Variants in OR8J3 observed in about 807,000 individuals in gnomAD.
OR8J3 encodes the protein olfactory receptor 8J3.
For missense variants in OR8J3, 418 were observed against 379.8 expected, an observed-to-expected ratio of 1.10 and a Z score of -0.84; for synonymous variants, 170 against 142.6, an observed-to-expected ratio of 1.19 and a Z score of -1.37.
Position 56,135,224 on chromosome 11 carries a change from G to A in OR8J3, c.*1547C>T, listed in dbSNP as rs546554076. On this transcript the variant is annotated 3_prime_UTR_variant, in exon 2 of 2. Coordinates refer to ENST00000642058, the MANE Select transcript of OR8J3 (RefSeq NM_001004064.2). ...TATATTATTCCATTGTTCAATAGAAGGCCTAACTAGAAAACGTATTCAGTG... is the reference window on the plus strand; with the variant it reads ...TATATTATTCCATTGTTCAATAGAAAGCCTAACTAGAAAACGTATTCAGTG... The A allele has an allele frequency of 2.6e-5, 4 of 151,698 alleles. No individual in the cohort carries two copies. The highest frequency in any genetic ancestry group is 9.7e-5 in the African/African-American group (4 of 41,448). 9.4% of individuals were successfully genotyped at this position (151,698 alleles called of 1,614,324 possible).
Position 56,137,425 on chromosome 11 carries a change from G to A in OR8J3, c.294C>T (p.Ala98=). 1 of 1,614,184 alleles carries A rather than the reference G, an allele frequency of 6.2e-7. No homozygotes were observed. Among genetic ancestry groups the A allele is most frequent in the Non-Finnish European group, 8.5e-7 (1 of 1,180,040 alleles). ...AGAACAAGAACCCTCCCAGTTGGGTGGCACATTCATAGAATGAGGTAGTTT... is the reference window on the plus strand; with the variant it reads ...AGAACAAGAACCCTCCCAGTTGGGTAGCACATTCATAGAATGAGGTAGTTT... ...KKKTTSFYEC[A]TQLGGFLFFI... The change falls in exon 2 of 2, where the codon GCC becomes GCT. Residue 98 remains alanine (A), a synonymous_variant. Coordinates refer to ENST00000642058, the MANE Select transcript of OR8J3 (RefSeq NM_001004064.2).
chr11:56,137,403 A>T lies in OR8J3; in HGVS notation c.316T>A (p.Phe106Ile), dbSNP rs758228543. 3.1e-6 allele frequency: 5 copies of T among 1,614,036 alleles called. No individual in the cohort carries two copies. Among genetic ancestry groups the T allele is most frequent in the Non-Finnish European group, 1.7e-6 (2 of 1,180,040 alleles). The change falls in exon 2 of 2, where the codon TTC (phenylalanine) becomes ATC (isoleucine). Residue 106 changes from phenylalanine to isoleucine, a missense_variant. By Grantham distance (21) the Phe-to-Ile change is conservative. Coordinates refer to ENST00000642058, the MANE Select transcript of OR8J3 (RefSeq NM_001004064.2). Reference protein sequence around the residue: ...ECATQLGGFLFFIVSEVMMLA... With the variant: ...ECATQLGGFLIFIVSEVMMLA... ...ATCATTACCTCCGATACAATAAAGA[A>T]CAAGAACCCTCCCAGTTGGGTGGCA... is the stretch of plus-strand genomic sequence containing the variant.
rs1854339811 is a variant in OR8J3 at position 56,137,156 on chromosome 11, G to C, written c.563C>G (p.Ser188Cys). 6.2e-7 allele frequency: 1 copy of C among 1,613,584 alleles called. No individual in the cohort carries two copies. Among genetic ancestry groups the C allele is most frequent in the Non-Finnish European group, 8.5e-7 (1 of 1,179,814 alleles). ...TTCTGGTATGTAAGTATCAGAGCAA[G>C]ATAATGCTAACAGAGGTGCAATATC... The part of the protein sequence containing the change: ...YCDIAPLLAL[S>C]CSDTYIPETI... Residue 188 changes from serine (S) to cysteine (C), a missense_variant, in exon 2 of 2, where the codon TCT (serine) becomes TGT (cysteine). Physicochemically the swap from Ser to Cys is moderately radical, Grantham distance 112. Coordinates refer to ENST00000642058, the MANE Select transcript of OR8J3 (RefSeq NM_001004064.2).
rs1854330393 is a variant in OR8J3 at position 56,136,427 on chromosome 11, A to G, written c.*344T>C. The G allele has an allele frequency of 6.4e-6, 1 of 155,920 alleles. No individual in the cohort carries two copies. Among genetic ancestry groups the G allele is most frequent in the Admixed American group, 6.5e-5 (1 of 15,376 alleles). The allele number at this position is 155,920 out of a possible 1,614,324, so 9.7% of individuals were successfully genotyped here. On this transcript the variant is annotated 3_prime_UTR_variant, in exon 2 of 2. Coordinates refer to ENST00000642058, the MANE Select transcript of OR8J3 (RefSeq NM_001004064.2). Reference sequence around the variant, plus strand: ...ACTCTACCAATCATACCCAGAAAGAAAAAAAGGAGTCCACAGAATGAAAAA... The same window carrying G: ...ACTCTACCAATCATACCCAGAAAGAGAAAAAGGAGTCCACAGAATGAAAAA...
In OR8J3 at chr11:56,137,640, G is replaced by T; in HGVS notation, c.79C>A (p.Leu27Ile). 1 of 1,614,210 alleles carries T rather than the reference G, an allele frequency of 6.2e-7. No homozygotes were observed. The highest frequency in any genetic ancestry group is 8.5e-7 in the Non-Finnish European group (1 of 1,180,040). The change falls in exon 2 of 2, where the codon CTC becomes ATC. Residue 27 changes from leucine (L) to isoleucine (I), a missense_variant. Leu to Ile is a conservative substitution (Grantham distance 5). Transcript: ENST00000642058. ...VSSCPELQIPLFLVFLVLYVL... is the reference protein window; with the variant it reads ...VSSCPELQIPIFLVFLVLYVL... ...TAGAGCACTAGGAAGACCAGGAAGA[G>T]GGGAATCTGGAGCTCTGGACAGCTA... is the stretch of plus-strand genomic sequence containing the variant.
In OR8J3 at chr11:56,137,193, G is replaced by A; in HGVS notation, c.526C>T (p.His176Tyr). ...VSYCSSNIIN[H>Y]FYCDIAPLLA... ...AGAGGTGCAATATCACAGTAAAAAT[G>A]ATTGATTATATTAGAAGAGCAATAA... Residue 176 changes from histidine to tyrosine, a missense_variant, in exon 2 of 2, where the codon CAT becomes TAT. Transcript: ENST00000642058. The A allele has an allele frequency of 1.9e-6, 3 of 1,613,942 alleles. No homozygotes were observed. The highest frequency in any genetic ancestry group is 2.5e-6 in the Non-Finnish European group (3 of 1,179,922).
rs756750827 is a variant in OR8J3 at position 56,137,690 on chromosome 11, G to A, written c.29C>T (p.Thr10Ile). The stretch of plus-strand genomic sequence containing the variant: ...AGAGACACCTGTGAGAATAAACTCA[G>A]TGACCCTGGTGAAATTTTCAGGAGC... MAPENFTRV[T>I]EFILTGVSSC... The change falls in exon 2 of 2, where the codon ACT becomes ATT. Residue 10 changes from threonine (T) to isoleucine (I), a missense_variant. Physicochemically the swap from Thr to Ile is moderately conservative, Grantham distance 89. Transcript: ENST00000642058. 3 of 1,598,964 alleles carry A rather than the reference G, an allele frequency of 1.9e-6. No individual in the cohort carries two copies. The highest frequency in any genetic ancestry group is 2.6e-6 in the Non-Finnish European group (3 of 1,175,008).
Position 56,137,592 on chromosome 11 carries a change from G to C in OR8J3, c.127C>G (p.Leu43Val), listed in dbSNP as rs766685917. 15 of 1,614,084 alleles carry C rather than the reference G, an allele frequency of 9.3e-6. No individual in the cohort carries two copies. The Admixed American group carries it at 2.2e-4, about 23-fold the overall frequency. ...VLYVLTMAGN[L>V]GIITLTSVDS... ...ACACTGGTGAGGGTGATGATGCCCA[G>C]GTTCCCTGCCATGGTCAGCACATAG... The change falls in exon 2 of 2, where the codon CTG becomes GTG. Residue 43 changes from leucine (L) to valine (V), a missense_variant. Leu to Val is a conservative substitution (Grantham distance 32). Transcript: ENST00000642058.
In OR8J3 at chr11:56,137,088, T is replaced by C. The variant is rs779864478; in HGVS notation, c.631A>G (p.Met211Val). 138 of 1,613,516 alleles carry C rather than the reference T, an allele frequency of 8.6e-5. No individual in the cohort carries two copies. The highest frequency in any genetic ancestry group is 1.1e-4 in the Non-Finnish European group (126 of 1,179,916). Reference sequence around the variant, plus strand: ...AAATAAGATACTAGAACTGTAATCATGGAAAAAACCAAATTTGTTGCTGCA... The same window carrying C: ...AAATAAGATACTAGAACTGTAATCACGGAAAAAACCAAATTTGTTGCTGCA... The part of the protein sequence containing the change: ...ISAATNLVFS[M>V]ITVLVSYFNI... The change falls in exon 2 of 2, where the codon ATG (methionine) becomes GTG (valine). Residue 211 changes from methionine (M) to valine (V), a missense_variant. By Grantham distance (21) the Met-to-Val change is conservative. Transcript: ENST00000642058.
At position 56,138,493 on chromosome 11, in the gene OR8J3, C is replaced by T. The variant is rs965580367; in HGVS notation, c.-775G>A. ...CCACCCTGGCTAACACAGTGAAACCCCTTTCTACAAACAAACAAACAAAAA... is the reference window on the plus strand; with the variant it reads ...CCACCCTGGCTAACACAGTGAAACCTCTTTCTACAAACAAACAAACAAAAA... On this transcript the variant is annotated 5_prime_UTR_variant, in exon 2 of 2. Transcript: ENST00000642058. The T allele has an allele frequency of 6.6e-6, 1 of 152,030 alleles. No homozygotes were observed. The highest frequency in any genetic ancestry group is 2.4e-5 in the African/African-American group (1 of 41,364). The allele number at this position is 152,030 out of a possible 1,614,324, so 9.4% of individuals were successfully genotyped here.
rs752411061 is a variant in OR8J3 at position 56,137,033 on chromosome 11, C to A, written c.686G>T (p.Arg229Leu). ...FNIVLSILRI[R>L]SPEGRKKAFS... ...GGCTTTTTTCCTTCCTTCTGGTGAA[C>A]GTATCCTTAGAATGGACAAAACAAT... Residue 229 changes from arginine (R) to leucine (L), a missense_variant, in exon 2 of 2, where the codon CGT becomes CTT. Arg to Leu is a moderately radical substitution (Grantham distance 102). Transcript: ENST00000642058. The A allele has an allele frequency of 3.1e-6, 5 of 1,613,742 alleles. No individual in the cohort carries two copies. The highest frequency in any genetic ancestry group is 3.4e-6 in the Non-Finnish European group (4 of 1,179,922).
chr11:56,139,079 T>C (rs1168893254), intron 1 of OR8J3, among the ~76,000 whole-genome samples: 2 of 152,152 alleles, frequency 1.3e-5, no homozygotes, highest in African/African-American at 4.8e-5. Flanking sequence ...GAGTTGTATA[T>C]TTTAATCATG....
At position 56,137,642 on chromosome 11, in the gene OR8J3, G is replaced by A; in HGVS notation, c.77C>T (p.Pro26Leu). 6.2e-7 allele frequency: 1 copy of A among 1,614,186 alleles called. No individual in the cohort carries two copies. The highest frequency in any genetic ancestry group is 8.5e-7 in the Non-Finnish European group (1 of 1,180,042). ...GAGCACTAGGAAGACCAGGAAGAGG[G>A]GAATCTGGAGCTCTGGACAGCTAGA... is the stretch of plus-strand genomic sequence containing the variant. ...GVSSCPELQIPLFLVFLVLYV... is the reference protein window; with the variant it reads ...GVSSCPELQILLFLVFLVLYV... The change falls in exon 2 of 2, where the codon CCC becomes CTC. Residue 26 changes from proline to leucine, a missense_variant. By Grantham distance (98) the Pro-to-Leu change is moderately conservative. Transcript: ENST00000642058.
In OR8J3 at chr11:56,135,558, T is replaced by C. The variant is rs141417617; in HGVS notation, c.*1213A>G. 37 of 152,118 alleles carry C rather than the reference T, an allele frequency of 2.4e-4. No homozygotes were observed. The East Asian group carries it at 7.1e-3, about 29-fold the overall frequency. The allele number at this position is 152,118 out of a possible 1,614,324, so 9.4% of individuals were successfully genotyped here. A position where few individuals can be genotyped will look rare whatever the true frequency, so the allele number is the denominator to read the frequency against. On this transcript the variant is annotated 3_prime_UTR_variant, in exon 2 of 2. Coordinates refer to ENST00000642058, the MANE Select transcript of OR8J3 (RefSeq NM_001004064.2). The stretch of plus-strand genomic sequence containing the variant: ...TTTTGTTTCCTTTTTAATATTATAA[T>C]TATTCATATCATTCATAATTATTCA...
In OR8J3 at chr11:56,137,171, G is replaced by C; in HGVS notation, c.548C>G (p.Pro183Arg). ...ATCAGAGCAAGATAATGCTAACAGA[G>C]GTGCAATATCACAGTAAAAATGATT... ...IINHFYCDIA[P>R]LLALSCSDTY... The change falls in exon 2 of 2, where the codon CCT becomes CGT. Residue 183 changes from proline to arginine, a missense_variant. Physicochemically the swap from Pro to Arg is moderately radical, Grantham distance 103. Transcript: ENST00000642058. 1 of 1,613,554 alleles carries C rather than the reference G, an allele frequency of 6.2e-7. No individual in the cohort carries two copies. Among genetic ancestry groups the C allele is most frequent in the South Asian group, 1.1e-5 (1 of 91,058 alleles).
Position 56,137,445 on chromosome 11 carries a change from T to C in OR8J3, c.274A>G (p.Thr92Ala). 6.2e-7 allele frequency: 1 copy of C among 1,614,170 alleles called. No individual in the cohort carries two copies. Among genetic ancestry groups the C allele is most frequent in the Non-Finnish European group, 8.5e-7 (1 of 1,180,040 alleles). Residue 92 changes from threonine to alanine, a missense_variant, in exon 2 of 2, where the codon ACC becomes GCC. Coordinates refer to ENST00000642058, the MANE Select transcript of OR8J3 (RefSeq NM_001004064.2). ...TGGGTGGCACATTCATAGAATGAGG[T>C]AGTTTTCTTCTTTACTAAAAAGTTC... The part of the protein sequence containing the change: ...LMNFLVKKKT[T>A]SFYECATQLG...
At chr11:56,138,519 A>T (rs909929191) in intron 1 of OR8J3, 22 bp from the exon 2 acceptor site, 1 of 152,138 alleles carries the variant, frequency 6.6e-6, no homozygotes, top group African/African-American at 2.4e-5. Context: ...CAAACAAAAA[A>T]AAATAATTAG....
At chr11:56,139,564 A>C (rs888621217) in intron 1 of OR8J3, among the ~76,000 whole-genome samples, 3 of 152,190 alleles carry the variant, frequency 2.0e-5, no homozygotes, top group East Asian at 3.8e-4. Flanking sequence ...CAGATCGTGA[A>C]TATGTTATTG....
intron 1 of OR8J3, among the ~76,000 whole-genome samples, chr11:56,138,993 G>GT: frequency 6.6e-6 from 1 of 151,958 alleles, no homozygotes; most frequent in Middle Eastern, 3.4e-3. Flanking sequence ...CATTTTGAGG[G>GT]TTTTTATGAT....
Sources: gnomAD v4.1 joint callset for allele counts (sites outside exome capture counted in the v4.1 genomes callset) on GRCh38, gnomAD v4.1.1 for gene constraint, MANE v1.5 for transcripts, NCBI Gene and HGNC (gene_info 2026-07-23, HGNC 2026-07-21) for gene names.